AGO2: variants seen among roughly 807,000 people sequenced by gnomAD.
The protein encoded by AGO2 is argonaute RISC catalytic component 2, also known as protein argonaute-2.
AGO2 carries 5 observed loss-of-function variants against 102.3 expected under a neutral mutation model. The observed-to-expected ratio is 0.05, with a 90% CI of 0.03 to 0.10. AGO2 has a LOEUF of 0.10. Among genes scored for constraint, AGO2 ranks in the 10% least tolerant of loss-of-function variants. AGO2 has a pLI of 1.00. For missense variants in AGO2, 541 were observed against 1,183.7 expected (o/e 0.46, Z 7.97); for synonymous variants, 449 against 473.1 (o/e 0.95, Z 0.66).
At position 140,531,510 on chromosome 8, in the gene AGO2, C is replaced by T. The variant is rs1344081478; in HGVS notation, c.*534G>A. The T allele has an allele frequency of 6.5e-6, 1 of 154,400 alleles. No individual in the cohort carries two copies. Among genetic ancestry groups the T allele is most frequent in the African/African-American group, 2.4e-5 (1 of 41,460 alleles). The allele number at this position is 154,400 out of a possible 1,614,324, so 9.6% of individuals were successfully genotyped here. On this transcript the variant is annotated 3_prime_UTR_variant, in exon 19 of 19. Transcript: ENST00000220592. ...GCGGACGCCTCTGCATGGCCACCGG[C>T]CCTCAGTCGAGGAACTTGGGTGAGC...
chr8:140,635,081 G>A (rs1241125453), intron 1 of AGO2, among the ~76,000 whole-genome samples: 1 of 148,044 alleles, frequency 6.8e-6, no homozygotes, highest in Non-Finnish European at 1.5e-5. Context: ...CGCCCGGGCA[G>A]CGAGGCCGGG....
At chr8:140,598,880 T>C (rs2133047020) in intron 1 of AGO2, among the ~76,000 whole-genome samples, 1 of 152,348 alleles carries the variant, frequency 6.6e-6, no homozygotes, top group Admixed American at 6.5e-5. Flanking sequence ...TACCGTGGGC[T>C]CGCACCACCA....
At chr8:140,611,359 G>A (rs796197130) in intron 1 of AGO2, among the ~76,000 whole-genome samples, 20 of 150,000 alleles carry the variant, frequency 1.3e-4, no homozygotes, top group Admixed American at 2.7e-4. Flanking sequence ...ATGGAGACTC[G>A]CTCTGTTGCC....
rs928669595 is a variant in AGO2 at position 140,532,724 on chromosome 8, C to T, written c.2272-109G>A. 1.5e-5 allele frequency: 18 copies of T among 1,216,870 alleles called. No homozygotes were observed. In the East Asian group the frequency reaches 1.5e-4, roughly 10 times the overall value. The allele number at this position is 1,216,870 out of a possible 1,614,324, so 75.4% of individuals were successfully genotyped here. On this transcript the variant is annotated intron_variant, in intron 17 of 18. Transcript: ENST00000220592. ...TTAAAAATGCATCATAGTCTGGACA[C>T]GGAGGCTCACGCCTGTAATCCCAGC... is the stretch of plus-strand genomic sequence containing the variant.
intron 2 of AGO2, among the ~76,000 whole-genome samples, chr8:140,576,683 A>T (rs1042876335): frequency 6.6e-6 from 1 of 152,220 alleles, no homozygotes; most frequent in African/African-American, 2.4e-5. Context: ...TTTGGGGAAA[A>T]AGTGTGGTTT....
Position 140,532,496 on chromosome 8 carries a change from C to T in AGO2, c.2391G>A (p.Val797=). ...CHTYVRCTRS[V]SIPAPAYYAH... is the part of the protein sequence containing the mutation. ...CGTAGTATGCTGGCGCTGGGATGGA[C>T]ACGGAGCGTGTGCAGCGCACGTAGG... The change falls in exon 18 of 19, where the codon GTG becomes GTA. Residue 797 remains valine, a synonymous_variant. Coordinates refer to ENST00000220592, the MANE Select transcript of AGO2 (RefSeq NM_012154.5). 6.2e-7 allele frequency: 1 copy of T among 1,614,274 alleles called. No homozygotes were observed. Among genetic ancestry groups the T allele is most frequent in the South Asian group, 1.1e-5 (1 of 91,092 alleles).
chr8:140,568,533 C>T (rs1173381285), intron 3 of AGO2, among the ~76,000 whole-genome samples: 1 of 152,164 alleles, frequency 6.6e-6, no homozygotes, highest in Non-Finnish European at 1.5e-5. Context: ...GGAAGAGCGA[C>T]CACACCCGCT....
At chr8:140,560,646 ACCACACGGC>A (rs1289464630) in intron 4 of AGO2, 136 bp from the exon 5 acceptor site, 1 of 1,035,330 alleles carries the variant, frequency 9.7e-7, no homozygotes, top group Non-Finnish European at 1.4e-6. Flanking sequence ...ATCCACGTTT[ACCACACGGC>A]ACTCCAGCCT....
the AGO2 span, among the ~76,000 whole-genome samples, chr8:140,641,776 G>A: frequency 6.6e-6 from 1 of 152,110 alleles, no homozygotes; most frequent in East Asian, 1.9e-4. Flanking sequence ...TAGAGACGGG[G>A]TTTTGCCATG....
intron 1 of AGO2, among the ~76,000 whole-genome samples, chr8:140,629,802 A>G (rs1188441253): frequency 2.7e-5 from 4 of 150,142 alleles, no homozygotes; most frequent in Non-Finnish European, 5.9e-5. Flanking sequence ...GTGCCACTGC[A>G]CTCCAGCCTG....
chr8:140,602,962 C>T (rs564852361), intron 1 of AGO2, among the ~76,000 whole-genome samples: 5 of 152,368 alleles, frequency 3.3e-5, no homozygotes, highest in South Asian at 2.1e-4. Context: ...AAGTTAACGA[C>T]GATGCCTGCA....
chr8:140,544,571 GGGCTCAGGC>G (rs2072862746), intron 13 of AGO2, among the ~76,000 whole-genome samples: 1 of 91,158 alleles, frequency 1.1e-5, no homozygotes, highest in Non-Finnish European at 2.0e-5. Flanking sequence ...GTTGAGGCTG[GGGCTCAGGC>G]CCAGGCCCAG....
At chr8:140,602,208 A>G (rs1289034339) in intron 1 of AGO2, among the ~76,000 whole-genome samples, 1 of 152,220 alleles carries the variant, frequency 6.6e-6, no homozygotes, top group African/African-American at 2.4e-5. Flanking sequence ...AAAAATAAAT[A>G]TCATGAAGGG....
rs767708101 is a variant in AGO2, at chr8:140,551,284, C to G, written c.1403+19G>C. 6 of 1,504,148 alleles carry G rather than the reference C, an allele frequency of 4.0e-6. No homozygotes were observed. In the East Asian group the frequency reaches 1.5e-4, roughly 36 times the overall value. The allele number at this position is 1,504,148 out of a possible 1,614,324, so 93.2% of individuals were successfully genotyped here. A position where few individuals can be genotyped will look rare whatever the true frequency, so the allele number is the denominator to read the frequency against. ...GGGCAGCACCCCCAGGCCGGAGCCT[C>G]TGCCTGTGGGGGGCTTACTTCAGAT... On this transcript the variant is annotated intron_variant, in intron 11 of 18. Coordinates refer to ENST00000220592, the MANE Select transcript of AGO2 (RefSeq NM_012154.5).
At chr8:140,559,017 A>C (rs1266956234) in intron 6 of AGO2, among the ~76,000 whole-genome samples, 1 of 152,188 alleles carries the variant, frequency 6.6e-6, no homozygotes, top group African/African-American at 2.4e-5. Flanking sequence ...AGTAGAAAGC[A>C]GGCTGACTGG....
intron 1 of AGO2, among the ~76,000 whole-genome samples, chr8:140,616,182 C>T (rs561602065): frequency 6.6e-6 from 1 of 152,332 alleles, no homozygotes; most frequent in East Asian, 1.9e-4. Flanking sequence ...TAACCGCCAT[C>T]CCATCTGTAC....
At chr8:140,552,502 G>T (rs914480701) in intron 10 of AGO2, among the ~76,000 whole-genome samples, 12 of 151,978 alleles carry the variant, frequency 7.9e-5, no homozygotes, top group Non-Finnish European at 1.8e-4. Context: ...AGAGGTTTTT[G>T]TTTTTTTTAG....
At chr8:140,548,813 C>T (rs189548548) in intron 12 of AGO2, among the ~76,000 whole-genome samples, 61 of 152,318 alleles carry the variant, frequency 4.0e-4, no homozygotes, top group African/African-American at 1.4e-3. Flanking sequence ...AAACGTTCCC[C>T]CATCCAGCCA....
At chr8:140,535,687 G>T in intron 16 of AGO2, 118 bp from the exon 17 acceptor site, 1 of 828,812 alleles carries the variant, frequency 1.2e-6, no homozygotes, top group Non-Finnish European at 2.1e-6. Context: ...TTTTAAATTG[G>T]CTAATACAGG....
Sources: gnomAD v4.1 joint callset for allele counts (sites outside exome capture counted in the v4.1 genomes callset) on GRCh38, gnomAD v4.1.1 for gene constraint, MANE v1.5 for transcripts, NCBI Gene and HGNC (gene_info 2026-07-23, HGNC 2026-07-21) for gene names.